Variants in SUGCT observed in about 807,000 individuals in gnomAD.
SUGCT encodes succinyl-CoA:glutarate CoA-transferase.
Under a neutral mutation model 55.0 loss-of-function variants are expected in SUGCT, and 41 were observed. The ratio of observed to expected loss-of-function variants is 0.74; its 90% CI spans 0.58 to 0.97. SUGCT has a LOEUF of 0.97. SUGCT is among the 50% of genes least tolerant of loss of function. SUGCT has a pLI of 0.00. For missense variants in SUGCT, 568 were observed against 547.8 expected (o/e 1.04, Z -0.37); for synonymous variants, 187 against 200.4 (o/e 0.93, Z 0.56).
intron 12 of SUGCT, among the ~76,000 whole-genome samples, chr7:40,720,667 A>C (rs561520630): frequency 4.6e-5 from 7 of 152,352 alleles, no homozygotes; most frequent in African/African-American, 1.7e-4. Context: ...GAAGTTTACT[A>C]ATAACAGTGT....
intron 9 of SUGCT, among the ~76,000 whole-genome samples, chr7:40,354,785 AAGT>A (rs1797810293): frequency 6.6e-6 from 1 of 152,214 alleles, no homozygotes; most frequent in Non-Finnish European, 1.5e-5. Context: ...TGTGAAAGCA[AAGT>A]AGTAGCAGGA....
At chr7:40,293,274 C>T (rs1473051361) in intron 8 of SUGCT, among the ~76,000 whole-genome samples, 3 of 152,108 alleles carry the variant, frequency 2.0e-5, no homozygotes. Context: ...CTTTGACGCT[C>T]AGGAGGACTC....
chr7:40,979,858 G>A, the SUGCT span: 2 of 152,168 alleles, frequency 1.3e-5, no homozygotes, highest in Admixed American at 1.3e-4. Flanking sequence ...ACTGTTAAAA[G>A]TGTAGCGTAG....
intron 1 of SUGCT, among the ~76,000 whole-genome samples, chr7:40,160,051 A>G (rs1045600212): frequency 3.9e-5 from 6 of 152,042 alleles, no homozygotes; most frequent in Non-Finnish European, 5.9e-5. Context: ...AATTTTTTCC[A>G]TCTCTACCTG....
At chr7:40,367,339 G>C (rs1272887860) in intron 9 of SUGCT, among the ~76,000 whole-genome samples, 24 of 150,836 alleles carry the variant, frequency 1.6e-4, no homozygotes, top group East Asian at 9.8e-4. Flanking sequence ...ATGGGTGCAG[G>C]ACACCAGCAT....
chr7:40,322,960 G>A (rs73135054), intron 9 of SUGCT, among the ~76,000 whole-genome samples: 1 of 27,528 alleles, frequency 3.6e-5, no homozygotes, highest in Non-Finnish European at 6.9e-5. Flanking sequence ...GCGAGACCCT[G>A]TCTCAAATAA....
In SUGCT at chr7:40,390,040, A is replaced by G. The variant is rs960790979; in HGVS notation, c.817-59247A>G. 2.6e-5 allele frequency among the ~76,000 whole-genome samples: 4 copies of G among 152,250 alleles called. No individual in the cohort carries two copies. The East Asian group carries it at 7.7e-4, about 29-fold the overall frequency. ...CAGAACCAAAGACAAAAACCACATGATTATCTCAATAGATGCAGAAAAGGC... is the reference window on the plus strand; with the variant it reads ...CAGAACCAAAGACAAAAACCACATGGTTATCTCAATAGATGCAGAAAAGGC... On this transcript the variant is annotated intron_variant, in intron 9 of 13. Coordinates refer to ENST00000335693, the MANE Select transcript of SUGCT (RefSeq NM_001193313.2).
chr7:40,304,952 C>A (rs538002391), intron 8 of SUGCT, among the ~76,000 whole-genome samples: 1 of 152,130 alleles, frequency 6.6e-6, no homozygotes, highest in Admixed American at 6.5e-5. Flanking sequence ...GGAAGGTTTG[C>A]TATTTCTTTT....
At chr7:40,609,748 A>G (rs1798689665) in intron 12 of SUGCT, among the ~76,000 whole-genome samples, 1 of 152,236 alleles carries the variant, frequency 6.6e-6, no homozygotes, top group Non-Finnish European at 1.5e-5. Context: ...GCACATGTTT[A>G]CTGACCTTTT....
intron 12 of SUGCT, among the ~76,000 whole-genome samples, chr7:40,744,440 A>C (rs1208486463): frequency 6.6e-6 from 1 of 152,144 alleles, no homozygotes; most frequent in Admixed American, 6.5e-5. Context: ...TTCCCCACTA[A>C]AGTGACTAAT....
intron 12 of SUGCT, among the ~76,000 whole-genome samples, chr7:40,519,775 A>G (rs939416671): frequency 6.6e-6 from 1 of 152,072 alleles, no homozygotes; most frequent in African/African-American, 2.4e-5. Context: ...ATTAATAAAA[A>G]TTACTTTTCC....
At chr7:40,337,871 T>C (rs1297105181) in intron 9 of SUGCT, among the ~76,000 whole-genome samples, 1 of 152,232 alleles carries the variant, frequency 6.6e-6, no homozygotes, top group Non-Finnish European at 1.5e-5. Flanking sequence ...TGGCATGTTT[T>C]TGCAGTGGCT....
intron 1 of SUGCT, among the ~76,000 whole-genome samples, chr7:40,170,079 C>G (rs1562811527): frequency 6.6e-6 from 1 of 152,124 alleles, no homozygotes; most frequent in Non-Finnish European, 1.5e-5. Context: ...TTCTGGCATG[C>G]AAGTTAGCAA....
At chr7:40,806,650 C>G (rs1449577716) in intron 13 of SUGCT, among the ~76,000 whole-genome samples, 1 of 152,130 alleles carries the variant, frequency 6.6e-6, no homozygotes, top group African/African-American at 2.4e-5. Flanking sequence ...GTTCTAATTT[C>G]CACATATTTG....
chr7:40,216,331 G>C (rs1218176827), intron 6 of SUGCT, among the ~76,000 whole-genome samples: 2 of 147,100 alleles, frequency 1.4e-5, no homozygotes, highest in Non-Finnish European at 3.0e-5. Flanking sequence ...GTGAAACCCC[G>C]TCTCTACAAA....
intron 12 of SUGCT, among the ~76,000 whole-genome samples, chr7:40,601,373 A>G (rs536846488): frequency 3.3e-5 from 5 of 152,210 alleles, no homozygotes; most frequent in Non-Finnish European, 5.9e-5. Flanking sequence ...TGTGGACTGT[A>G]ACCGTCAAGA....
the SUGCT span, among the ~76,000 whole-genome samples, chr7:40,913,104 G>A: frequency 6.4e-4 from 94 of 147,552 alleles, 2 homozygotes; most frequent in East Asian, 0.014. Flanking sequence ...TCTGCCTCCC[G>A]GGTTCAAGTG....
the SUGCT span, among the ~76,000 whole-genome samples, chr7:40,971,448 T>C: frequency 6.6e-6 from 1 of 151,792 alleles, no homozygotes; most frequent in African/African-American, 2.4e-5. Flanking sequence ...TCCAGGCAAA[T>C]GATGATGAGA....
At position 40,427,107 on chromosome 7, in the gene SUGCT, G is replaced by A. The variant is rs188584920; in HGVS notation, c.817-22180G>A. Among the ~76,000 whole-genome samples, 24 of 152,220 alleles carry A rather than the reference G, an allele frequency of 1.6e-4. 1 individual carries two copies. Among genetic ancestry groups the A allele is most frequent in the African/African-American group, 4.6e-4 (19 of 41,538 alleles). On this transcript the variant is annotated intron_variant, in intron 9 of 13. Transcript: ENST00000335693. ...TTACAGACATGAGCCATACAACCCAGCTAAGAATAGCACATTTTAAATTTT... is the reference window on the plus strand; with the variant it reads ...TTACAGACATGAGCCATACAACCCAACTAAGAATAGCACATTTTAAATTTT...
Sources: gnomAD v4.1 joint callset for allele counts (sites outside exome capture counted in the v4.1 genomes callset) on GRCh38, gnomAD v4.1.1 for gene constraint, MANE v1.5 for transcripts, NCBI Gene and HGNC (gene_info 2026-07-23, HGNC 2026-07-21) for gene names.